The following NAA11 variants were observed in gnomAD, a reference collection of about 807,000 sequenced individuals.
NAA11 encodes N-alpha-acetyltransferase 11.
NAA11 carries 15 observed loss-of-function variants against 16.1 expected under a neutral mutation model. That is an observed-to-expected ratio of 0.93 (90% CI 0.62 to 1.44). The LOEUF is 1.44. NAA11 is among the 40% of genes most tolerant of loss of function. The probability of loss-of-function intolerance (pLI) is 0.00; values close to 1 mark genes in which losing one functional copy is unlikely to be tolerated. For missense variants in NAA11, 298 were observed against 291.3 expected (o/e 1.02, Z -0.17); for synonymous variants, 122 against 112.4 (o/e 1.09, Z -0.54).
chr4:79,240,227 G>A (rs1721661256), intron 2 of NAA11, among the ~76,000 whole-genome samples: 1 of 152,148 alleles, frequency 6.6e-6, no homozygotes, highest in Non-Finnish European at 1.5e-5. Flanking sequence ...CAAAAGAAAT[G>A]TAGCAATGGG....
the NAA11 span, among the ~76,000 whole-genome samples, chr4:79,192,457 C>T: frequency 6.8e-6 from 1 of 147,014 alleles, no homozygotes; most frequent in East Asian, 2.0e-4. Context: ...CAATTCCCAC[C>T]TATGAGTGAG....
At chr4:79,305,217 G>C (rs913482986) in intron 1 of NAA11, 1 of 152,056 alleles carries the variant, frequency 6.6e-6, no homozygotes, top group Non-Finnish European at 1.5e-5. Context: ...TTCAAATAGA[G>C]GCTCTTCCCC....
At chr4:79,269,988 A>G (rs1360822618) in intron 2 of NAA11, among the ~76,000 whole-genome samples, 6 of 151,816 alleles carry the variant, frequency 4.0e-5, no homozygotes, top group African/African-American at 9.7e-5. Flanking sequence ...TGTTTTTCTC[A>G]GGTTTGTCAA....
At chr4:79,194,873 G>A in the NAA11 span, among the ~76,000 whole-genome samples, 1 of 152,012 alleles carries the variant, frequency 6.6e-6, no homozygotes, top group Non-Finnish European at 1.5e-5. Context: ...ACATATAGTA[G>A]TTAAGTAACT....
At chr4:79,228,353 T>G (rs1173521067) in intron 2 of NAA11, among the ~76,000 whole-genome samples, 4 of 152,044 alleles carry the variant, frequency 2.6e-5, no homozygotes, top group Non-Finnish European at 5.9e-5. Context: ...TATTATGATA[T>G]CATTTATGTA....
chr4:79,321,279 G>T (rs1190198949), intron 1 of NAA11, among the ~76,000 whole-genome samples: 6 of 152,198 alleles, frequency 3.9e-5, no homozygotes, highest in African/African-American at 7.2e-5. Flanking sequence ...GTTTCCTATT[G>T]TGGCAGAAAC....
chr4:79,224,454 G>A (rs565582259), downstream of NAA11, among the ~76,000 whole-genome samples: 2 of 152,144 alleles, frequency 1.3e-5, no homozygotes, highest in South Asian at 2.1e-4. Context: ...TTGAACCAAG[G>A]CAAACAAATA....
chr4:79,229,973 T>C (rs987809480), intron 2 of NAA11, among the ~76,000 whole-genome samples: 11 of 152,010 alleles, frequency 7.2e-5, no homozygotes, highest in African/African-American at 2.7e-4. Flanking sequence ...TGTATCTTTA[T>C]GGATTTTTAA....
At chr4:79,289,122 C>A (rs934930558) in intron 2 of NAA11, among the ~76,000 whole-genome samples, 2 of 152,208 alleles carry the variant, frequency 1.3e-5, no homozygotes, top group Non-Finnish European at 2.9e-5. Context: ...TTTGGCACAT[C>A]CCTAGAAATG....
At chr4:79,291,164 C>T (rs2109992773) in intron 2 of NAA11, among the ~76,000 whole-genome samples, 1 of 152,138 alleles carries the variant, frequency 6.6e-6, no homozygotes, top group South Asian at 2.1e-4. Context: ...GTGTACAGCA[C>T]CATATAAAGA....
downstream of NAA11, among the ~76,000 whole-genome samples, chr4:79,225,374 A>T (rs1721287347): frequency 6.6e-6 from 1 of 152,088 alleles, no homozygotes; most frequent in Non-Finnish European, 1.5e-5. Flanking sequence ...TTTTAAACGG[A>T]TGGATTACAT....
chr4:79,203,854 G>C, the NAA11 span, among the ~76,000 whole-genome samples: 1 of 151,618 alleles, frequency 6.6e-6, no homozygotes, highest in Non-Finnish European at 1.5e-5. Flanking sequence ...AATAGAGAAA[G>C]AGACAAGGGA....
chr4:79,196,995 G>C, the NAA11 span, among the ~76,000 whole-genome samples: 3 of 107,238 alleles, frequency 2.8e-5, no homozygotes, highest in Non-Finnish European at 6.0e-5. Flanking sequence ...AAGAAAGAAA[G>C]AAAGAAAAAG....
chr4:79,325,662 G>T lies in NAA11; in HGVS notation c.216C>A (p.Ile72=), dbSNP rs1197320083. 1 of 1,614,092 alleles carries T rather than the reference G, an allele frequency of 6.2e-7. No individual in the cohort carries two copies. Among genetic ancestry groups the T allele is most frequent in the Non-Finnish European group, 8.5e-7 (1 of 1,179,964 alleles). ...GTGAACGCTTCACGGCCAGTGAGGTGATATGGCCATGCGGGACATCATCTG... is the reference window on the plus strand; with the variant it reads ...GTGAACGCTTCACGGCCAGTGAGGTTATATGGCCATGCGGGACATCATCTG... ...EEPDDVPHGH[I]TSLAVKRSHR... Residue 72 remains isoleucine, a synonymous_variant, in exon 1 of 2, where the codon ATC becomes ATA. Transcript: ENST00000286794.
At chr4:79,238,977 G>A (rs1721631174) in intron 2 of NAA11, among the ~76,000 whole-genome samples, 1 of 152,336 alleles carries the variant, frequency 6.6e-6, no homozygotes, top group East Asian at 1.9e-4. Flanking sequence ...TTGTTGAGTT[G>A]GACAGGAGCT....
intron 2 of NAA11, among the ~76,000 whole-genome samples, chr4:79,266,795 G>A (rs1456619652): frequency 1.3e-5 from 2 of 152,142 alleles, no homozygotes; most frequent in African/African-American, 4.8e-5. Flanking sequence ...GCTTTTTTGA[G>A]TCATCATTGC....
At chr4:79,187,058 T>C in the NAA11 span, among the ~76,000 whole-genome samples, 2 of 152,226 alleles carry the variant, frequency 1.3e-5, no homozygotes, top group South Asian at 4.1e-4. Context: ...TAATTATTAT[T>C]TTTATTATTA....
the NAA11 span, among the ~76,000 whole-genome samples, chr4:79,202,581 G>GTAGTTTTATATATA: frequency 4.0e-4 from 36 of 90,542 alleles, no homozygotes; most frequent in African/African-American, 1.1e-3. Context: ...ATATATATAT[G>GTAGTTTTATATATA]TAGTTTTATA....
chr4:79,168,564 G>A, the NAA11 span, among the ~76,000 whole-genome samples: 22 of 151,978 alleles, frequency 1.4e-4, no homozygotes, highest in African/African-American at 4.1e-4. Flanking sequence ...ATTACTATTC[G>A]AACTAGCGTG....
Sources: gnomAD v4.1 joint callset for allele counts (sites outside exome capture counted in the v4.1 genomes callset) on GRCh38, gnomAD v4.1.1 for gene constraint, MANE v1.5 for transcripts, NCBI Gene and HGNC (gene_info 2026-07-23, HGNC 2026-07-21) for gene names.